The following NFYC variants were observed in gnomAD, a reference collection of about 807,000 sequenced individuals.
NFYC encodes the protein CAAT box DNA-binding protein subunit C.
Under a neutral mutation model 53.1 loss-of-function variants are expected in NFYC, and 25 were observed. The ratio of observed to expected loss-of-function variants is 0.47; its 90% confidence interval spans 0.34 to 0.66. The LOEUF is 0.66. Ranked by LOEUF, NFYC falls within the 30% of genes least tolerant of loss-of-function variation. The pLI, the probability that NFYC is intolerant of heterozygous loss-of-function variation, is 0.01. For missense variants in NFYC, 260 were observed against 422.7 expected (o/e 0.62, Z 3.38); for synonymous variants, 145 against 152.6 (o/e 0.95, Z 0.37).
intron 1 of NFYC, among the ~76,000 whole-genome samples, chr1:40,702,577 C>T (rs1395783796): frequency 2.6e-5 from 4 of 152,066 alleles, no homozygotes; most frequent in East Asian, 1.9e-4. Context: ...CCCCTGACCT[C>T]GTGATCTACC....
Position 40,771,402 on chromosome 1 carries a change from G to T in NFYC, c.*574G>T. ...TCCAGAGGCCATGGAAACATTCTTT[G>T]CATTTAAGAGACAGATTTATTCCCT... On this transcript the variant is annotated 3_prime_UTR_variant, in exon 10 of 10. Coordinates refer to ENST00000447388, the MANE Select transcript of NFYC (RefSeq NM_014223.5). 2.1e-6 allele frequency: 1 copy of T among 470,534 alleles called. No homozygotes were observed. Among genetic ancestry groups the T allele is most frequent in the Non-Finnish European group, 4.4e-6 (1 of 226,714 alleles). 29.1% of individuals were successfully genotyped at this position (470,534 alleles called of 1,614,324 possible).
chr1:40,692,557 A>G (rs1570249317), intron 1 of NFYC, among the ~76,000 whole-genome samples: 1 of 152,118 alleles, frequency 6.6e-6, no homozygotes, highest in African/African-American at 2.4e-5. Context: ...CCTGAAGTCC[A>G]CGGTGTGAGT....
Position 40,766,803 on chromosome 1 carries a change from C to G in NFYC, c.828+100C>G, listed in dbSNP as rs549730647. On this transcript the variant is annotated intron_variant, in intron 8 of 9. Transcript: ENST00000447388. ...GCACACAGCTGTCTTGCCACCTCATCCTTCAACCAGAAGCACCACCCCCAC... is the reference window on the plus strand; with the variant it reads ...GCACACAGCTGTCTTGCCACCTCATGCTTCAACCAGAAGCACCACCCCCAC... 145 of 1,488,408 alleles carry G rather than the reference C, an allele frequency of 9.7e-5. 2 individuals carry two copies. The South Asian group carries it at 1.4e-3, about 14-fold the overall frequency. The allele number at this position is 1,488,408 out of a possible 1,614,324, so 92.2% of individuals were successfully genotyped here. A position where few individuals can be genotyped will look rare whatever the true frequency, so the allele number is the denominator to read the frequency against.
intron 1 of NFYC, among the ~76,000 whole-genome samples, chr1:40,731,588 G>T (rs567124316): frequency 6.6e-6 from 1 of 152,172 alleles, no homozygotes; most frequent in South Asian, 2.1e-4. Flanking sequence ...GGATTCAAGC[G>T]ATTCCCCCGC....
intron 1 of NFYC, among the ~76,000 whole-genome samples, chr1:40,715,113 T>TAAATAAAC (rs142127233): frequency 1.5e-5 from 2 of 132,588 alleles, no homozygotes; most frequent in Non-Finnish European, 3.3e-5. Context: ...AATAAATAAA[T>TAAATAAAC]AATAATTTGG....
intron 1 of NFYC, among the ~76,000 whole-genome samples, chr1:40,718,316 G>C (rs1644211975): frequency 6.6e-6 from 1 of 152,206 alleles, no homozygotes; most frequent in South Asian, 2.1e-4. Flanking sequence ...AGAAGGCAGA[G>C]CCTAGTGACA....
chr1:40,713,505 A>G (rs956636625), intron 1 of NFYC, among the ~76,000 whole-genome samples: 3 of 152,380 alleles, frequency 2.0e-5, no homozygotes, highest in Admixed American at 6.5e-5. Flanking sequence ...CAAAAAATGT[A>G]TTAAAAGTTG....
intron 1 of NFYC, among the ~76,000 whole-genome samples, chr1:40,697,525 T>G (rs1239234900): frequency 6.6e-6 from 1 of 152,222 alleles, no homozygotes; most frequent in Non-Finnish European, 1.5e-5. Context: ...TGAGTGGTAA[T>G]GATTGCGATG....
intron 1 of NFYC, among the ~76,000 whole-genome samples, chr1:40,702,340 A>C (rs1372002662): frequency 8.1e-6 from 1 of 123,084 alleles, no homozygotes; most frequent in Non-Finnish European, 1.7e-5. Flanking sequence ...TATCTTCAGA[A>C]CTTTTTTTTT....
chr1:40,723,174 C>G (rs542660600), intron 1 of NFYC: 1 of 152,296 alleles, frequency 6.6e-6, no homozygotes, highest in South Asian at 2.1e-4. Flanking sequence ...ATCTATGAAA[C>G]ATTCTTCAGA....
intron 1 of NFYC, among the ~76,000 whole-genome samples, chr1:40,734,466 C>A (rs1034810870): frequency 1.3e-5 from 2 of 151,970 alleles, no homozygotes; most frequent in Non-Finnish European, 2.9e-5. Context: ...GGGTTTGCAG[C>A]CTCCACCTCC....
chr1:40,766,928 A>G (rs1483370801), intron 8 of NFYC: 2 of 1,552,234 alleles, frequency 1.3e-6, no homozygotes, highest in African/African-American at 1.4e-5. Flanking sequence ...GGGCAAAGAA[A>G]TGCAAGTCAG....
rs530997471 is a variant in NFYC at position 40,761,915 on chromosome 1, G to A, written c.562-973G>A. ...GTGTAGTTTAAAAGGCTCCACCCAC[G>A]CCCACACCCCCGCCACCCCCCATCA... is the stretch of plus-strand genomic sequence containing the variant. On this transcript the variant is annotated intron_variant, in intron 6 of 9. Coordinates refer to ENST00000447388, the MANE Select transcript of NFYC (RefSeq NM_014223.5). 2.6e-4 allele frequency among the ~76,000 whole-genome samples: 39 copies of A among 152,046 alleles called. 1 individual carries two copies. In the South Asian group the frequency reaches 8.1e-3, roughly 32 times the overall value.
intron 6 of NFYC, among the ~76,000 whole-genome samples, chr1:40,759,866 G>A (rs1646450820): frequency 6.6e-6 from 1 of 152,140 alleles, no homozygotes; most frequent in Non-Finnish European, 1.5e-5. Flanking sequence ...TGGAAAGATA[G>A]ATAGTAAACA....
intron 1 of NFYC, chr1:40,723,675 T>A (rs1366716164): frequency 6.6e-6 from 1 of 152,214 alleles, no homozygotes; most frequent in Non-Finnish European, 1.5e-5. Context: ...TCTTTTCTTT[T>A]TTTTTTGAGA....
rs72637914 is a variant in NFYC at position 40,766,345 on chromosome 1, A to G, written c.721-251A>G. On this transcript the variant is annotated intron_variant, in intron 7 of 9. Coordinates refer to ENST00000447388, the MANE Select transcript of NFYC (RefSeq NM_014223.5). ...GCCATGCTGTTCTCACCTTTGTGACAGGATCTTCTGGGAGTTTTTTCTGAA... is the reference window on the plus strand; with the variant it reads ...GCCATGCTGTTCTCACCTTTGTGACGGGATCTTCTGGGAGTTTTTTCTGAA... 1,912 of 452,572 alleles carry G rather than the reference A, an allele frequency of 4.2e-3. 56 individuals carry two copies. In the East Asian group the frequency reaches 0.057, roughly 13 times the overall value. 28.0% of individuals were successfully genotyped at this position (452,572 alleles called of 1,614,324 possible).
Position 40,691,754 on chromosome 1 carries a change from C to T in NFYC, c.-122C>T, listed in dbSNP as rs762013304. On this transcript the variant is annotated 5_prime_UTR_variant, in exon 1 of 10. Coordinates refer to ENST00000447388, the MANE Select transcript of NFYC (RefSeq NM_014223.5). ...TTGTGCCCCCGCTTCGCGCGCGCTC[C>T]GTTCTCCGTGACGCACACTTCCCCC... The T allele has an allele frequency of 8.8e-6, 4 of 455,442 alleles. No individual in the cohort carries two copies. Among genetic ancestry groups the T allele is most frequent in the South Asian group, 3.1e-5 (2 of 64,436 alleles). 28.2% of individuals were successfully genotyped at this position (455,442 alleles called of 1,614,324 possible). A position where few individuals can be genotyped will look rare whatever the true frequency, so the allele number is the denominator to read the frequency against.
intron 1 of NFYC, among the ~76,000 whole-genome samples, chr1:40,715,059 A>C (rs1018529544): frequency 6.6e-6 from 1 of 151,022 alleles, no homozygotes. Flanking sequence ...CAGCCTGTGC[A>C]ACAAATCGAG....
intron 1 of NFYC, among the ~76,000 whole-genome samples, chr1:40,696,007 C>T (rs1284855895): frequency 6.7e-6 from 1 of 150,242 alleles, no homozygotes; most frequent in Non-Finnish European, 1.5e-5. Context: ...CAGATTCAGA[C>T]ACGGATTTGT....
Sources: gnomAD v4.1 joint callset for allele counts (sites outside exome capture counted in the v4.1 genomes callset) on GRCh38, gnomAD v4.1.1 for gene constraint, MANE v1.5 for transcripts, NCBI Gene and HGNC (gene_info 2026-07-23, HGNC 2026-07-21) for gene names.